Variants in PCDHA3 observed in about 807,000 individuals in gnomAD.
PCDHA3 encodes protocadherin alpha-3.
PCDHA3 carries 41 observed loss-of-function variants against 62.2 expected under a neutral mutation model. The observed-to-expected ratio is 0.66, with a 90% CI of 0.51 to 0.86. The LOEUF (loss-of-function observed/expected upper bound fraction) is 0.86. Among genes scored for constraint, PCDHA3 ranks in the 40% least tolerant of loss-of-function variants. The pLI, the probability that PCDHA3 is intolerant of heterozygous loss-of-function variation, is 0.00. For synonymous variants in PCDHA3, 640 were observed against 555.4 expected (o/e 1.15, Z -2.14); for missense variants, 1,304 against 1,241.2 (o/e 1.05, Z -0.76).
chr5:140,912,378 T>C (rs1554195314), intron 1 of PCDHA3, among the ~76,000 whole-genome samples: 1 of 152,002 alleles, frequency 6.6e-6, no homozygotes, highest in African/African-American at 2.4e-5. Context: ...GTAAAAGGGA[T>C]TGAGTTCTTA....
At chr5:140,850,499 G>C (rs2150486529) in intron 1 of PCDHA3, 2 of 1,598,056 alleles carry the variant, frequency 1.3e-6, no homozygotes, top group East Asian at 2.2e-5. Flanking sequence ...TGCTGGTGTC[G>C]CTGGTGGAGA....
rs1366864610 is a variant in PCDHA3 at position 141,006,125 on chromosome 5, G to A, written c.2543-3502G>A. ...AAGGAGTTTTTTTTTTTTTTCTCAA[G>A]GCAGTAGAAAGCTTAAGCAGAGGAG... On this transcript the variant is annotated intron_variant, in intron 3 of 3. Transcript: ENST00000522353. 4.7e-5 allele frequency among the ~76,000 whole-genome samples: 7 copies of A among 149,644 alleles called. No individual in the cohort carries two copies. The South Asian group carries it at 1.3e-3, about 27-fold the overall frequency.
At chr5:140,929,241 T>TG (rs2085975080) in intron 1 of PCDHA3, 1 of 1,613,878 alleles carries the variant, frequency 6.2e-7, no homozygotes. Context: ...TGCGAAATCT[T>TG]GCCACTGGGG....
chr5:140,834,595 G>C (rs2150222436), intron 1 of PCDHA3: 5 of 1,614,156 alleles, frequency 3.1e-6, no homozygotes, highest in East Asian at 2.2e-5. Flanking sequence ...TGCAAATTCC[G>C]TGGGGATCTT....
chr5:140,928,622 G>C, intron 1 of PCDHA3: 1 of 1,614,226 alleles, frequency 6.2e-7, no homozygotes, highest in South Asian at 1.1e-5. Flanking sequence ...GCCAGGACTG[G>C]ACACTTGGTC....
intron 1 of PCDHA3, among the ~76,000 whole-genome samples, chr5:140,937,317 G>A (rs1282380622): frequency 1.3e-5 from 2 of 152,048 alleles, no homozygotes; most frequent in Non-Finnish European, 2.9e-5. Context: ...GATTACAGGC[G>A]TGAGCCACCG....
intron 1 of PCDHA3, among the ~76,000 whole-genome samples, chr5:140,908,097 G>A (rs184366035): frequency 2.6e-5 from 4 of 152,212 alleles, no homozygotes; most frequent in African/African-American, 9.6e-5. Flanking sequence ...ACTGATTGAA[G>A]TTCTGTCCAC....
chr5:140,801,322 G>C lies in PCDHA3; in HGVS notation c.125G>C (p.Gly42Ala). 1 of 1,613,322 alleles carries C rather than the reference G, an allele frequency of 6.2e-7. No individual in the cohort carries two copies. The highest frequency in any genetic ancestry group is 8.5e-7 in the Non-Finnish European group (1 of 1,179,932). Residue 42 changes from glycine (G) to alanine (A), a missense_variant, in exon 1 of 4, where the codon GGC (glycine) becomes GCC (alanine). Gly to Ala is a moderately conservative substitution (Grantham distance 60). Coordinates refer to ENST00000522353, the MANE Select transcript of PCDHA3 (RefSeq NM_018906.3). Reference sequence around the variant, plus strand: ...TCCGTCTCTGAGGAGGCCAAGCATGGCACCTTCGTGGGCCGCATCGCGCAG... The same window carrying C: ...TCCGTCTCTGAGGAGGCCAAGCATGCCACCTTCGTGGGCCGCATCGCGCAG... ...HYSVSEEAKH[G>A]TFVGRIAQDL...
At chr5:140,827,393 T>A (rs1554130775) in intron 1 of PCDHA3, among the ~76,000 whole-genome samples, 1 of 152,206 alleles carries the variant, frequency 6.6e-6, no homozygotes, top group African/African-American at 2.4e-5. Flanking sequence ...GCAGATAAAT[T>A]AAATGTGATA....
At chr5:140,971,244 A>G (rs1389573593) in intron 1 of PCDHA3, among the ~76,000 whole-genome samples, 6 of 152,174 alleles carry the variant, frequency 3.9e-5, no homozygotes, top group Non-Finnish European at 8.8e-5. Context: ...GGGCAATTTG[A>G]TACATAAACT....
intron 1 of PCDHA3, chr5:140,859,217 C>A (rs1409192343): frequency 1.3e-5 from 2 of 149,754 alleles, no homozygotes; most frequent in Non-Finnish European, 3.0e-5. Context: ...AGCTCTTTCA[C>A]TTTAAGGAAG....
At chr5:140,870,534 G>T (rs547039725) in intron 1 of PCDHA3, 12 of 1,614,150 alleles carry the variant, frequency 7.4e-6, no homozygotes, top group Non-Finnish European at 1.0e-5. Context: ...TCACAGTGTC[G>T]GCGCGGGACG....
intron 1 of PCDHA3, chr5:140,877,603 C>G: frequency 6.2e-7 from 1 of 1,613,858 alleles, no homozygotes; most frequent in Non-Finnish European, 8.5e-7. Flanking sequence ...GTCCAGCCTG[C>G]TGGTGCTCAC....
rs781991042 is a variant in PCDHA3, at chr5:140,968,933, A to G, written c.2395-10016A>G. ...AGTGTCTTTTATATTTCTTTTGACA[A>G]TCATCATTTTGAGCATCATCAAGTG... On this transcript the variant is annotated intron_variant, in intron 1 of 3. Transcript: ENST00000522353. 77 of 1,614,052 alleles carry G rather than the reference A, an allele frequency of 4.8e-5. No individual in the cohort carries two copies. Among genetic ancestry groups the G allele is most frequent in the Non-Finnish European group, 6.0e-5 (71 of 1,180,034 alleles).
At chr5:140,836,001 G>T (rs1405342443) in intron 1 of PCDHA3, 5 of 1,613,350 alleles carry the variant, frequency 3.1e-6, no homozygotes, top group African/African-American at 2.7e-5. Flanking sequence ...CGCGCGCGAT[G>T]CGGGCGTGCC....
intron 1 of PCDHA3, chr5:140,968,380 C>T: frequency 6.2e-7 from 1 of 1,614,072 alleles, no homozygotes; most frequent in Non-Finnish European, 8.5e-7. Context: ...ACTCCTTTGA[C>T]TATGAGAAGT....
chr5:140,988,673 A>G (rs2153876025), intron 3 of PCDHA3, among the ~76,000 whole-genome samples: 1 of 152,344 alleles, frequency 6.6e-6, no homozygotes, highest in South Asian at 2.1e-4. Context: ...AGACTCTAAG[A>G]TAATTCTTTC....
At chr5:140,972,909 G>T (rs999939821) in intron 1 of PCDHA3, among the ~76,000 whole-genome samples, 18 of 151,942 alleles carry the variant, frequency 1.2e-4, no homozygotes, top group African/African-American at 4.4e-4. Flanking sequence ...TGATCCACCC[G>T]CCTTGGCCTC....
chr5:140,915,488 C>T (rs2077146969), intron 1 of PCDHA3, among the ~76,000 whole-genome samples: 1 of 152,126 alleles, frequency 6.6e-6, no homozygotes, highest in Non-Finnish European at 1.5e-5. Flanking sequence ...GGGCCTCAAT[C>T]CCAATAATAC....
Sources: gnomAD v4.1 joint callset for allele counts (sites outside exome capture counted in the v4.1 genomes callset) on GRCh38, gnomAD v4.1.1 for gene constraint, MANE v1.5 for transcripts, NCBI Gene and HGNC (gene_info 2026-07-23, HGNC 2026-07-21) for gene names.